Variants in CUL3 observed in about 807,000 individuals in gnomAD.
CUL3 encodes cullin 3.
Under a neutral mutation model 89.1 loss-of-function variants are expected in CUL3, and 19 were observed. The observed-to-expected ratio is 0.21, with a 90% CI of 0.15 to 0.31. The LOEUF is 0.31. CUL3 is among the 10% of genes least tolerant of loss of function. CUL3 has a pLI of 1.00. For synonymous variants in CUL3, 351 were observed against 308.4 expected, an observed-to-expected ratio of 1.14 and a Z score of -1.45; for missense variants, 469 against 942.3, an observed-to-expected ratio of 0.50 and a Z score of 6.58.
intron 15 of CUL3, among the ~76,000 whole-genome samples, chr2:224,476,881 A>C (rs975817446): frequency 5.9e-5 from 9 of 151,426 alleles, no homozygotes; most frequent in African/African-American, 9.7e-5. Context: ...CTCTAATACT[A>C]CTCTCTCTGC....
intron 6 of CUL3, among the ~76,000 whole-genome samples, chr2:224,509,296 C>A (rs566480562): frequency 6.6e-6 from 1 of 152,288 alleles, no homozygotes; most frequent in East Asian, 1.9e-4. Flanking sequence ...TCACTGCAGC[C>A]TTGACCTCCC....
At chr2:224,490,153 C>T (rs1039269877) in intron 13 of CUL3, among the ~76,000 whole-genome samples, 3 of 152,176 alleles carry the variant, frequency 2.0e-5, no homozygotes, top group Admixed American at 6.5e-5. Context: ...AATGAGATAC[C>T]ATCTCATGCC....
chr2:224,569,333 A>G (rs1695124727), intron 1 of CUL3, among the ~76,000 whole-genome samples: 1 of 152,208 alleles, frequency 6.6e-6, no homozygotes, highest in Non-Finnish European at 1.5e-5. Flanking sequence ...TTCCCCAAGA[A>G]GGCCAAGTTA....
At chr2:224,577,091 A>G (rs186547159) in intron 1 of CUL3, among the ~76,000 whole-genome samples, 5 of 152,372 alleles carry the variant, frequency 3.3e-5, no homozygotes, top group African/African-American at 9.6e-5. Context: ...CAAAAACAAC[A>G]TCCAATTTTA....
rs577196781 is a variant in CUL3, at chr2:224,473,589, T to G, written c.*656A>C. On this transcript the variant is annotated 3_prime_UTR_variant, in exon 16 of 16. Coordinates refer to ENST00000264414, the MANE Select transcript of CUL3 (RefSeq NM_003590.5). Reference sequence around the variant, plus strand: ...AACCTAATCATTATAAGACTTAATTTGGGAAATCTCAAATTACAACAGGGA... The same window carrying G: ...AACCTAATCATTATAAGACTTAATTGGGGAAATCTCAAATTACAACAGGGA... 1 of 185,518 alleles carries G rather than the reference T, an allele frequency of 5.4e-6. No homozygotes were observed. The highest frequency in any genetic ancestry group is 6.2e-5 in the Admixed American group (1 of 16,082). 11.5% of individuals were successfully genotyped at this position (185,518 alleles called of 1,614,324 possible).
intron 14 of CUL3, chr2:224,480,136 C>A: frequency 6.6e-6 from 1 of 152,592 alleles, no homozygotes; most frequent in South Asian, 1.9e-4. Flanking sequence ...TGAAGACTGT[C>A]AACTCTGGAA....
chr2:224,564,418 T>C (rs543998207), intron 1 of CUL3, among the ~76,000 whole-genome samples: 15 of 152,300 alleles, frequency 9.8e-5, no homozygotes, highest in South Asian at 2.1e-4. Flanking sequence ...TCTCATCACA[T>C]AGGCAGTGTA....
chr2:224,546,785 CA>C (rs1694320973), intron 2 of CUL3, among the ~76,000 whole-genome samples: 7 of 152,120 alleles, frequency 4.6e-5, no homozygotes. Flanking sequence ...CCCCTAACAT[CA>C]TTTCTCTTCC....
chr2:224,528,186 G>C (rs1693548463), intron 3 of CUL3, among the ~76,000 whole-genome samples: 1 of 152,094 alleles, frequency 6.6e-6, no homozygotes, highest in Admixed American at 6.5e-5. Flanking sequence ...ATCAGTTTCA[G>C]CAGGCTAAAG....
At chr2:224,545,489 CT>C (rs2106283065) in intron 2 of CUL3, among the ~76,000 whole-genome samples, 1 of 152,282 alleles carries the variant, frequency 6.6e-6, no homozygotes, top group East Asian at 1.9e-4. Context: ...CAAATTCATT[CT>C]CAGTGGAAAT....
intron 1 of CUL3, among the ~76,000 whole-genome samples, chr2:224,578,860 A>C (rs1037203530): frequency 6.6e-6 from 1 of 152,170 alleles, no homozygotes; most frequent in African/African-American, 2.4e-5. Context: ...TATAATATAA[A>C]AAAAAGGCAT....
intron 13 of CUL3, among the ~76,000 whole-genome samples, chr2:224,486,990 A>G (rs1000401660): frequency 2.0e-5 from 3 of 152,218 alleles, no homozygotes; most frequent in African/African-American, 7.2e-5. Context: ...AGAATGTTCA[A>G]CCCAGAATAT....
intron 1 of CUL3, among the ~76,000 whole-genome samples, chr2:224,559,939 G>A (rs1222827497): frequency 2.6e-5 from 4 of 151,928 alleles, no homozygotes; most frequent in Non-Finnish European, 2.9e-5. Flanking sequence ...AAAATTAGTC[G>A]GGCATGGTGG....
In CUL3 at chr2:224,585,307, T is replaced by TGGC. The variant is rs1007365360; in HGVS notation, c.-301_-299dup. ...CTCCCTTTATCGCGCTCCTCCGCGA[T>TGGC]GGCGGCGGCGGCGGCGACGGACAAA... On this transcript the variant is annotated 5_prime_UTR_variant, in exon 1 of 16. Coordinates refer to ENST00000264414, the MANE Select transcript of CUL3 (RefSeq NM_003590.5). 1.1e-3 allele frequency: 425 copies of TGGC among 399,782 alleles called. No individual in the cohort carries two copies. The highest frequency in any genetic ancestry group is 2.4e-3 in the East Asian group (68 of 28,074). The allele number at this position is 399,782 out of a possible 1,614,324, so 24.8% of individuals were successfully genotyped here. A position where few individuals can be genotyped will look rare whatever the true frequency, so the allele number is the denominator to read the frequency against.
chr2:224,518,558 T>C (rs573847885), intron 3 of CUL3, among the ~76,000 whole-genome samples: 1 of 152,318 alleles, frequency 6.6e-6, no homozygotes, highest in South Asian at 2.1e-4. Context: ...TATGGTAAAT[T>C]TTTTAATAAA....
At chr2:224,572,082 C>T (rs1162401991) in intron 1 of CUL3, among the ~76,000 whole-genome samples, 1 of 152,070 alleles carries the variant, frequency 6.6e-6, no homozygotes, top group Non-Finnish European at 1.5e-5. Flanking sequence ...ATTAAATAGG[C>T]CAGTGTTAAC....
chr2:224,504,917 G>A (rs1340555134), intron 8 of CUL3, among the ~76,000 whole-genome samples: 1 of 151,318 alleles, frequency 6.6e-6, no homozygotes, highest in East Asian at 2.0e-4. Flanking sequence ...TATCACAAAG[G>A]CTTGAAATTG....
intron 3 of CUL3, chr2:224,533,009 A>G (rs1693749793): frequency 6.6e-6 from 1 of 152,248 alleles, no homozygotes; most frequent in Admixed American, 6.5e-5. Flanking sequence ...TCTGAGAAAT[A>G]GAAAGTAAGA....
chr2:224,481,541 C>T (rs1691538953), intron 14 of CUL3, among the ~76,000 whole-genome samples: 1 of 152,016 alleles, frequency 6.6e-6, no homozygotes, highest in South Asian at 2.1e-4. Context: ...TCTCCCAATT[C>T]TGAAAAACTT....
Sources: allele counts gnomAD v4.1 joint callset (sites outside exome capture counted in the v4.1 genomes callset), GRCh38; gene constraint gnomAD v4.1.1; transcripts MANE v1.5; gene names NCBI Gene and HGNC (gene_info 2026-07-23, HGNC 2026-07-21).